The following MAP2K6 variants were observed in gnomAD, a reference collection of about 807,000 sequenced individuals.
MAP2K6 encodes mitogen-activated protein kinase kinase 6, also known as dual specificity mitogen-activated protein kinase kinase 6.
MAP2K6 carries 16 observed loss-of-function variants against 53.7 expected under a neutral mutation model. That is an observed-to-expected ratio of 0.30 (90% CI 0.20 to 0.45). The LOEUF is 0.45. Among genes scored for constraint, MAP2K6 ranks in the 20% least tolerant of loss-of-function variants. MAP2K6 has a pLI of 1.00. For missense variants in MAP2K6, 204 were observed against 411.9 expected, an observed-to-expected ratio of 0.50 and a Z score of 4.37; for synonymous variants, 132 against 143.1, an observed-to-expected ratio of 0.92 and a Z score of 0.55.
At chr17:69,526,141 C>T (rs550424639) in intron 9 of MAP2K6, among the ~76,000 whole-genome samples, 2 of 152,304 alleles carry the variant, frequency 1.3e-5, no homozygotes, top group Non-Finnish European at 1.5e-5. Flanking sequence ...TTCTAGGTTG[C>T]TTTTTCTCCC....
intron 1 of MAP2K6, among the ~76,000 whole-genome samples, chr17:69,447,205 C>T (rs1011006150): frequency 9.9e-5 from 15 of 152,062 alleles, no homozygotes; most frequent in African/African-American, 1.7e-4. Flanking sequence ...TTTCGAACTC[C>T]TGACCTCAGG....
intron 10 of MAP2K6, 46 bp downstream of exon 10, chr17:69,526,755 G>C (rs1910794125): frequency 5.0e-6 from 8 of 1,588,002 alleles, no homozygotes; most frequent in Non-Finnish European, 6.8e-6. Flanking sequence ...AGAAGAAGAT[G>C]AGTTCTCATG....
At chr17:69,503,582 A>G (rs752100107) in intron 1 of MAP2K6, among the ~76,000 whole-genome samples, 4 of 152,190 alleles carry the variant, frequency 2.6e-5, no homozygotes, top group Non-Finnish European at 5.9e-5. Flanking sequence ...ACTGCGAAGC[A>G]TATTTTTTCC....
chr17:69,486,145 A>AG (rs140346018), intron 1 of MAP2K6, among the ~76,000 whole-genome samples: 2,344 of 152,278 alleles, frequency 0.015, 55 homozygotes, highest in African/African-American at 0.053. Context: ...CACAAGGAGG[A>AG]GAAGGCATTT....
chr17:69,497,103 TGA>T (rs952133217), intron 1 of MAP2K6, among the ~76,000 whole-genome samples: 1 of 152,248 alleles, frequency 6.6e-6, no homozygotes, highest in African/African-American at 2.4e-5. Flanking sequence ...AGCTTATTTG[TGA>T]GCCAGATTGC....
chr17:69,455,436 C>T (rs1014949064), intron 1 of MAP2K6, among the ~76,000 whole-genome samples: 4 of 152,072 alleles, frequency 2.6e-5, no homozygotes, highest in East Asian at 1.9e-4. Flanking sequence ...ATGACAACCT[C>T]GAAAGGCAGG....
At position 69,495,560 on chromosome 17, in the gene MAP2K6, C is replaced by T. The variant is rs1338363281; in HGVS notation, c.17-10220C>T. On this transcript the variant is annotated intron_variant, in intron 1 of 11. Transcript: ENST00000590474. ...TATTTTGGTAAATTTCAAACATATT[C>T]AAAAGTGGACTGTATTATAACTGCC... is the stretch of plus-strand genomic sequence containing the variant. Among the ~76,000 whole-genome samples the T allele has an allele frequency of 2.0e-5, 3 of 152,084 alleles. No homozygotes were observed. In the East Asian group the frequency reaches 5.8e-4, roughly 29 times the overall value.
chr17:69,484,021 C>T (rs1260404379), intron 1 of MAP2K6, among the ~76,000 whole-genome samples: 1 of 151,982 alleles, frequency 6.6e-6, no homozygotes, highest in African/African-American at 2.4e-5. Context: ...TTGTCATAAC[C>T]TTGGATTTGT....
In MAP2K6 at chr17:69,524,918, A is replaced by G. The variant is rs1405235066; in HGVS notation, c.681A>G (p.Pro227=). Residue 227 remains proline, a synonymous_variant, in exon 9 of 12, where the codon CCA becomes CCG. Transcript: ENST00000590474. ...CTTTCCAGCCTGAAAGAATAAACCC[A>G]GAGCTCAACCAGAAGGGATACAGTG... ...KPYMAPERIN[P]ELNQKGYSVK... is the part of the protein sequence containing the mutation. The G allele has an allele frequency of 2.5e-6, 4 of 1,613,080 alleles. No homozygotes were observed. The highest frequency in any genetic ancestry group is 2.2e-5 in the East Asian group (1 of 44,848).
rs921154526 is a variant in MAP2K6 at position 69,550,004 on chromosome 17, T to G, written c.*8251T>G. The G allele has an allele frequency of 6.6e-6, 1 of 152,158 alleles. No homozygotes were observed. Among genetic ancestry groups the G allele is most frequent in the African/African-American group, 2.4e-5 (1 of 41,426 alleles). The allele number at this position is 152,158 out of a possible 1,614,324, so 9.4% of individuals were successfully genotyped here. A position where few individuals can be genotyped will look rare whatever the true frequency, so the allele number is the denominator to read the frequency against. On this transcript the variant is annotated 3_prime_UTR_variant, in exon 12 of 12. Coordinates refer to ENST00000590474, the MANE Select transcript of MAP2K6 (RefSeq NM_002758.4). ...CTGGCAGACAAGTATATCTTTTAAT[T>G]TATTTGCAGTGTTGCTATATTATAG... is the stretch of plus-strand genomic sequence containing the variant.
At chr17:69,436,395 A>T (rs964971057) in intron 1 of MAP2K6, among the ~76,000 whole-genome samples, 1 of 152,236 alleles carries the variant, frequency 6.6e-6, no homozygotes, top group South Asian at 2.1e-4. Context: ...TTACAAAAAT[A>T]CCTATATGGG....
At chr17:69,524,759 G>T in intron 8 of MAP2K6, 142 bp from the exon 9 acceptor site, 2 of 544,918 alleles carry the variant, frequency 3.7e-6, no homozygotes, top group Non-Finnish European at 6.8e-6. Flanking sequence ...AGTTAACCGG[G>T]TCTTCTTGGC....
In MAP2K6 at chr17:69,414,753, C is replaced by G. The variant is rs1351869128; in HGVS notation, c.-232C>G. 1.9e-6 allele frequency: 1 copy of G among 513,636 alleles called. No individual in the cohort carries two copies. Among genetic ancestry groups the G allele is most frequent in the Admixed American group, 3.6e-5 (1 of 27,806 alleles). The allele number at this position is 513,636 out of a possible 1,614,324, so 31.8% of individuals were successfully genotyped here. ...CCTGGCCCATCATGTAGCTGCAGCA[C>G]AGCCTTCCCTAACGTTGCAACTGGG... On this transcript the variant is annotated 5_prime_UTR_variant, in exon 1 of 12. Transcript: ENST00000590474.
chr17:69,503,462 A>T (rs1443194100), intron 1 of MAP2K6, among the ~76,000 whole-genome samples: 1 of 152,230 alleles, frequency 6.6e-6, no homozygotes, highest in Non-Finnish European at 1.5e-5. Context: ...CAGGAAAGTG[A>T]ATGGTGAGTT....
intron 2 of MAP2K6, among the ~76,000 whole-genome samples, chr17:69,509,469 C>A (rs889426411): frequency 6.6e-6 from 1 of 152,106 alleles, no homozygotes; most frequent in Non-Finnish European, 1.5e-5. Context: ...TGCAATTGAT[C>A]TTCTATTCTG....
rs143126312 is a variant in MAP2K6, at chr17:69,446,718, G to T, written c.16+31718G>T. On this transcript the variant is annotated intron_variant, in intron 1 of 11. Transcript: ENST00000590474. Reference sequence around the variant, plus strand: ...CAGTCTCATTGCTTCTGCTTACCCTGCCTTTTGGGTATCATTTGAGTACCC... The same window carrying T: ...CAGTCTCATTGCTTCTGCTTACCCTTCCTTTTGGGTATCATTTGAGTACCC... Among the ~76,000 whole-genome samples the T allele has an allele frequency of 4.4e-3, 675 of 152,200 alleles. 5 individuals are homozygous for T. Among genetic ancestry groups the T allele is most frequent in the Middle Eastern group, 0.02 (6 of 294 alleles).
chr17:69,523,439 A>G (rs1283090583), intron 7 of MAP2K6, 75 bp from the exon 8 acceptor site: 3 of 1,582,898 alleles, frequency 1.9e-6, no homozygotes, highest in African/African-American at 2.7e-5. Context: ...TGGAGATTTT[A>G]GGCCCTCTGG....
chr17:69,550,340 C>A lies in MAP2K6; in HGVS notation c.*8587C>A, dbSNP rs1442889532. The A allele has an allele frequency of 6.6e-6, 1 of 152,174 alleles. No individual in the cohort carries two copies. The highest frequency in any genetic ancestry group is 1.5e-5 in the Non-Finnish European group (1 of 68,026). The allele number at this position is 152,174 out of a possible 1,614,324, so 9.4% of individuals were successfully genotyped here. On this transcript the variant is annotated 3_prime_UTR_variant, in exon 12 of 12. Transcript: ENST00000590474. ...AAACACAAATACCAAAGCCTGAGCT[C>A]CTTAACCTTTTGTTCCAGAGGGCAG... is the stretch of plus-strand genomic sequence containing the variant.
rs993598675 is a variant in MAP2K6, at chr17:69,458,536, C to T, written c.16+43536C>T. Among the ~76,000 whole-genome samples the T allele has an allele frequency of 1.6e-4, 24 of 152,164 alleles. 1 individual carries two copies. The highest frequency in any genetic ancestry group is 1.2e-3 in the East Asian group (6 of 5,198). ...AGTTGTCTCTGATTTTCCCCAAAAC[C>T]GTGGACTGAAGATGCTCACCTTCAA... is the stretch of plus-strand genomic sequence containing the variant. On this transcript the variant is annotated intron_variant, in intron 1 of 11. Transcript: ENST00000590474.
Sources: allele counts gnomAD v4.1 joint callset (sites outside exome capture counted in the v4.1 genomes callset), GRCh38; gene constraint gnomAD v4.1.1; transcripts MANE v1.5; gene names NCBI Gene and HGNC (gene_info 2026-07-23, HGNC 2026-07-21).